AXIN1: variants seen among roughly 807,000 people sequenced by gnomAD.
The protein encoded by AXIN1 is axin-1.
Under a neutral mutation model 76.4 loss-of-function variants are expected in AXIN1, and 30 were observed. That is an observed-to-expected ratio of 0.39 (90% CI 0.29 to 0.53). The LOEUF (loss-of-function observed/expected upper bound fraction) is 0.53, where lower values mean the gene tolerates loss of function less well. AXIN1 is among the 20% of genes least tolerant of loss of function. The pLI is 0.66. For missense variants in AXIN1, 1,140 were observed against 1,198.8 expected (o/e 0.95, Z 0.72); for synonymous variants, 545 against 501.4 (o/e 1.09, Z -1.16).
At chr16:343,428 G>A (rs1426776967) in intron 2 of AXIN1, among the ~76,000 whole-genome samples, 6 of 152,134 alleles carry the variant, frequency 3.9e-5, no homozygotes, top group African/African-American at 1.2e-4. Flanking sequence ...GGGGCCGGGC[G>A]CAGTGGCTCA....
Position 293,147 on chromosome 16 carries a change from G to A in AXIN1, c.2186+341C>T. On this transcript the variant is annotated intron_variant, in intron 8 of 10. Transcript: ENST00000262320. This position sits in a 1 kb window ranked among gnomAD's most constrained non-coding sequence, Gnocchi z 4.6. ...TCTGCCCTAAAGCCCAGGCTGCCCA[G>A]CAGCGAGCAGCCTCTGGCTGGGGAC... 2.4e-6 allele frequency: 1 copy of A among 410,852 alleles called. No homozygotes were observed. Among genetic ancestry groups the A allele is most frequent in the Non-Finnish European group, 4.5e-6 (1 of 223,156 alleles). The allele number at this position is 410,852 out of a possible 1,614,324, so 25.5% of individuals were successfully genotyped here.
chr16:290,606 C>G (rs771590254), intron 9 of AXIN1: 2 of 174,762 alleles, frequency 1.1e-5, no homozygotes, highest in Non-Finnish European at 2.5e-5. Flanking sequence ...GGTGTGCCCC[C>G]TCCTCCTGCC....
Position 346,786 on chromosome 16 carries a change from T to C in AXIN1, c.240A>G (p.Pro80=). 3.1e-6 allele frequency: 5 copies of C among 1,611,802 alleles called. No individual in the cohort carries two copies. Among genetic ancestry groups the C allele is most frequent in the Non-Finnish European group, 4.2e-6 (5 of 1,178,240 alleles). Residue 80 remains proline (P), a synonymous_variant, in exon 2 of 11, where the codon CCA becomes CCG. Transcript: ENST00000262320. The part of the protein sequence containing the change: ...YEPEGSASPT[P]PYLKWAESLH... ...GTGACTCAGCCCACTTCAAGTATGG[T>C]GGGGTGGGGGAGGCACTGCCCTCAG... is the stretch of plus-strand genomic sequence containing the variant.
At chr16:297,588 C>G (rs1385684005) in intron 6 of AXIN1, 134 bp downstream of exon 6, 2 of 1,303,330 alleles carry the variant, frequency 1.5e-6, no homozygotes, top group African/African-American at 3.0e-5. Context: ...GCCCAGTCCA[C>G]TCCCTCCAGC....
intron 2 of AXIN1, among the ~76,000 whole-genome samples, chr16:316,773 TTA>T (rs2053312379): frequency 6.6e-6 from 1 of 152,230 alleles, no homozygotes. Flanking sequence ...CACAATTTTT[TTA>T]GTCTCTACTG....
chr16:342,939 C>T (rs1250704033), intron 2 of AXIN1, among the ~76,000 whole-genome samples: 1 of 152,266 alleles, frequency 6.6e-6, no homozygotes, highest in South Asian at 2.1e-4. Context: ...ACCTAGTGCA[C>T]CCTCACCTAC....
Position 289,496 on chromosome 16 carries a change from G to C in AXIN1, c.2406C>G (p.Gly802=). 4 of 1,612,956 alleles carry C rather than the reference G, an allele frequency of 2.5e-6. No homozygotes were observed. The South Asian group carries it at 3.3e-5, about 13-fold the overall frequency. The part of the protein sequence containing the change: ...EPIPYRTLVR[G]RAVTLGQFKE... Reference sequence around the variant, plus strand: ...TGAACTGGCCCAGGGTGACAGCGCGGCCCCTCACCAGGGTGCGGTAGGGGA... The same window carrying C: ...TGAACTGGCCCAGGGTGACAGCGCGCCCCCTCACCAGGGTGCGGTAGGGGA... Residue 802 remains glycine, a synonymous_variant, in exon 10 of 11, where the codon GGC becomes GGG. Transcript: ENST00000262320.
intron 1 of AXIN1, 141 bp downstream of exon 1, chr16:352,228 A>G (rs1301500122): frequency 1.6e-5 from 7 of 437,728 alleles, no homozygotes; most frequent in Non-Finnish European, 2.1e-5. Context: ...CCCGCTGCCC[A>G]GGGACACCCC....
chr16:297,966 C>T lies in AXIN1; in HGVS notation c.1540G>A (p.Gly514Arg), dbSNP rs755692871. The T allele has an allele frequency of 5.0e-6, 8 of 1,602,420 alleles. No individual in the cohort carries two copies. The highest frequency in any genetic ancestry group is 1.6e-4 in the Middle Eastern group (1 of 6,074). Residue 514 changes from glycine (G) to arginine (R), a missense_variant, in exon 6 of 11, where the codon GGG (glycine) becomes AGG (arginine). Around this residue, in one of 3 missense-constraint regions of AXIN1, gnomAD observed 708 missense variants for 776.9 expected, o/e 0.91. Coordinates refer to ENST00000262320, the MANE Select transcript of AXIN1 (RefSeq NM_003502.4). ...GCCCCTGACTTGGGTACGTGCTTCC[C>T]GTGCCCCGAGGCGGCACCCCCCAGT... Reference protein sequence around the residue: ...VALGGAASGHGKHVPKSGAKL... With the variant: ...VALGGAASGHRKHVPKSGAKL...
chr16:338,463 T>A (rs2053850529), intron 2 of AXIN1, among the ~76,000 whole-genome samples: 1 of 152,164 alleles, frequency 6.6e-6, no homozygotes, highest in South Asian at 2.1e-4. Flanking sequence ...AGGACTGAGG[T>A]CCGCCCAGGC....
At chr16:292,244 C>G (rs1373872299) in intron 8 of AXIN1, 1 of 152,462 alleles carries the variant, frequency 6.6e-6, no homozygotes, top group African/African-American at 2.4e-5. Flanking sequence ...GCACCACACT[C>G]CAGGCTCCTG....
chr16:290,723 C>G (rs1436478818), intron 9 of AXIN1: 6 of 310,306 alleles, frequency 1.9e-5, no homozygotes, highest in Non-Finnish European at 3.8e-5. Flanking sequence ...GGAGCAGAGC[C>G]CCGACTCACT....
intron 4 of AXIN1, 88 bp from the exon 5 acceptor site, chr16:304,529 T>C: frequency 6.4e-7 from 1 of 1,572,210 alleles, no homozygotes; most frequent in Non-Finnish European, 8.7e-7. Context: ...GTGCTATCTC[T>C]GTTGTATTTT....
At chr16:351,859 A>G (rs2141724895) in intron 1 of AXIN1, among the ~76,000 whole-genome samples, 1 of 152,240 alleles carries the variant, frequency 6.6e-6, no homozygotes, top group South Asian at 2.1e-4. Context: ...CGGGCAGTGC[A>G]GCTCTGGTTT....
chr16:308,037 G>C (rs996627777), intron 4 of AXIN1, among the ~76,000 whole-genome samples: 1 of 152,210 alleles, frequency 6.6e-6, no homozygotes, highest in Non-Finnish European at 1.5e-5. Context: ...CAGAGCCTCC[G>C]ATGAGGTTGT....
In AXIN1 at chr16:338,911, G is replaced by A. The variant is rs117387556; in HGVS notation, c.878+7237C>T. ...GCACTCCAGCCTGGGTGACAAGAGC[G>A]AAACTCCATCTTGGGGAAAAAAAAA... On this transcript the variant is annotated intron_variant, in intron 2 of 10. Coordinates refer to ENST00000262320, the MANE Select transcript of AXIN1 (RefSeq NM_003502.4). 0.014 allele frequency among the ~76,000 whole-genome samples: 2,168 copies of A among 150,652 alleles called. 129 individuals are homozygous for A. The East Asian group carries it at 0.22, about 15-fold the overall frequency.
At chr16:295,098 T>G (rs1186380466) in intron 7 of AXIN1, among the ~76,000 whole-genome samples, 3 of 148,448 alleles carry the variant, frequency 2.0e-5, no homozygotes, top group African/African-American at 7.4e-5. Flanking sequence ...CATGGAGACT[T>G]TTTTTTTTTC....
At chr16:309,562 G>A (rs1378630840) in intron 4 of AXIN1, among the ~76,000 whole-genome samples, 1 of 152,150 alleles carries the variant, frequency 6.6e-6, no homozygotes, top group Non-Finnish European at 1.5e-5. Flanking sequence ...CGTTTACCTG[G>A]AGACGACCAC....
chr16:301,259 A>G (rs535056187), intron 5 of AXIN1, among the ~76,000 whole-genome samples: 1 of 151,280 alleles, frequency 6.6e-6, no homozygotes, highest in South Asian at 2.1e-4. Context: ...CGACAGAGCG[A>G]GACTCTGCCT....
Sources: allele counts gnomAD v4.1 joint callset (sites outside exome capture counted in the v4.1 genomes callset), GRCh38; gene constraint gnomAD v4.1.1; regional missense constraint gnomAD v4.1.1; non-coding constraint Gnocchi (gnomAD v3.1); transcripts MANE v1.5; gene names NCBI Gene and HGNC (gene_info 2026-07-23, HGNC 2026-07-21).